The following TTC7B variants were observed in gnomAD, a reference collection of about 807,000 sequenced individuals.
TTC7B encodes the protein tetratricopeptide repeat protein 7B.
A neutral mutation model predicts 106.8 loss-of-function variants in TTC7B; 28 were observed. The ratio of observed to expected loss-of-function variants is 0.26; its 90% confidence interval spans 0.19 to 0.36. The LOEUF is 0.36. Among genes scored for constraint, TTC7B ranks in the 10% least tolerant of loss-of-function variants. TTC7B has a pLI of 1.00. For missense variants in TTC7B, 862 were observed against 1,076.4 expected, an observed-to-expected ratio of 0.80 and a Z score of 2.79; for synonymous variants, 405 against 430.6, an observed-to-expected ratio of 0.94 and a Z score of 0.74.
chr14:90,786,349 C>G lies in TTC7B; in HGVS notation c.122-21G>C. The G allele has an allele frequency of 2.5e-6, 4 of 1,612,094 alleles. No homozygotes were observed. In the South Asian group the frequency reaches 3.3e-5, roughly 13 times the overall value. On this transcript the variant is annotated intron_variant, in intron 1 of 19. Transcript: ENST00000328459. Reference sequence around the variant, plus strand: ...GTCATCTACAAAAACAAAGTGAGAACAAAGTGGGAGCAAGGAATGGCCTGC... The same window carrying G: ...GTCATCTACAAAAACAAAGTGAGAAGAAAGTGGGAGCAAGGAATGGCCTGC...
chr14:90,661,424 G>A (rs1363387191), intron 9 of TTC7B, among the ~76,000 whole-genome samples: 1 of 152,194 alleles, frequency 6.6e-6, no homozygotes, highest in African/African-American at 2.4e-5. Context: ...GGTGGCGGGA[G>A]AGACGTAACC....
chr14:90,632,153 A>T (rs1054386401), intron 15 of TTC7B, among the ~76,000 whole-genome samples: 1 of 152,168 alleles, frequency 6.6e-6, no homozygotes, highest in Non-Finnish European at 1.5e-5. Flanking sequence ...CCTTCCAGAC[A>T]TCCTTCAGGT....
chr14:90,755,566 G>T (rs540427749), intron 3 of TTC7B, among the ~76,000 whole-genome samples: 5 of 152,234 alleles, frequency 3.3e-5, no homozygotes, highest in Admixed American at 2.0e-4. Context: ...GGCTGAGATG[G>T]GAGGATCACT....
At position 90,531,860 on chromosome 14, in the gene TTC7B, C is replaced by A. The variant is rs895808805; in HGVS notation, c.*9508G>T. 1.3e-5 allele frequency: 2 copies of A among 152,196 alleles called. No homozygotes were observed. The highest frequency in any genetic ancestry group is 2.4e-5 in the African/African-American group (1 of 41,450). The allele number at this position is 152,196 out of a possible 1,614,324, so 9.4% of individuals were successfully genotyped here. A position where few individuals can be genotyped will look rare whatever the true frequency, so the allele number is the denominator to read the frequency against. On this transcript the variant is annotated 3_prime_UTR_variant, in exon 20 of 20. Transcript: ENST00000328459. ...GTCTCATTGTGTCTGAGCTCTGCCC[C>A]TTTCTTATTTAATTTTGTAGTTTTA...
intron 16 of TTC7B, among the ~76,000 whole-genome samples, chr14:90,617,192 C>G (rs940053374): frequency 6.6e-6 from 1 of 152,136 alleles, no homozygotes; most frequent in Non-Finnish European, 1.5e-5. Flanking sequence ...AATTAACCCG[C>G]GGAAAACTGA....
chr14:90,550,279 G>A (rs2038989715), intron 19 of TTC7B, among the ~76,000 whole-genome samples: 1 of 152,142 alleles, frequency 6.6e-6, no homozygotes, highest in South Asian at 2.1e-4. Context: ...GTGTCTTCCT[G>A]CCCCTGCCTC....
chr14:90,639,403 G>C (rs1885073405), intron 15 of TTC7B, among the ~76,000 whole-genome samples: 3 of 152,120 alleles, frequency 2.0e-5, no homozygotes, highest in Admixed American at 2.0e-4. Context: ...CTTCACAAAA[G>C]AGAAAAGGTG....
intron 19 of TTC7B, chr14:90,569,695 C>G (rs1395283903): frequency 6.6e-6 from 1 of 152,306 alleles, no homozygotes; most frequent in African/African-American, 2.4e-5. Context: ...GCCTTGGAGT[C>G]CTGTGAAGCC....
rs767013408 is a variant in TTC7B, at chr14:90,757,771, C to T, written c.446-12849G>A. 6.6e-6 allele frequency among the ~76,000 whole-genome samples: 1 copy of T among 152,192 alleles called. No individual in the cohort carries two copies. Among genetic ancestry groups the T allele is most frequent in the Non-Finnish European group, 1.5e-5 (1 of 68,042 alleles). On this transcript the variant is annotated intron_variant, in intron 3 of 19. Coordinates refer to ENST00000328459, the MANE Select transcript of TTC7B (RefSeq NM_001010854.2). The surrounding 1 kb of genome is among the most constrained non-coding windows in gnomAD (Gnocchi z 4.1). ...ATTCATAAAGACTGGGATTAGATCTCACTTGAAGACATGAATCTCTCAAGG... is the reference window on the plus strand; with the variant it reads ...ATTCATAAAGACTGGGATTAGATCTTACTTGAAGACATGAATCTCTCAAGG...
intron 18 of TTC7B, among the ~76,000 whole-genome samples, chr14:90,579,811 C>T (rs954151167): frequency 6.6e-6 from 1 of 152,142 alleles, no homozygotes; most frequent in Non-Finnish European, 1.5e-5. Flanking sequence ...AAACAAAAAA[C>T]ACCAAACAAC....
chr14:90,661,944 C>T (rs1005755515), intron 9 of TTC7B, among the ~76,000 whole-genome samples: 36 of 152,274 alleles, frequency 2.4e-4, no homozygotes, highest in African/African-American at 8.2e-4. Context: ...GCACATTCAC[C>T]GGAGGTCTAA....
chr14:90,589,820 T>C (rs1008558916), intron 18 of TTC7B, among the ~76,000 whole-genome samples: 2 of 152,244 alleles, frequency 1.3e-5, no homozygotes, highest in African/African-American at 2.4e-5. Context: ...AGAGTCAACA[T>C]GGCACAAATT....
At chr14:90,573,480 C>A (rs182975988) in intron 19 of TTC7B, among the ~76,000 whole-genome samples, 27 of 130,504 alleles carry the variant, frequency 2.1e-4, no homozygotes, top group Non-Finnish European at 2.8e-4. Flanking sequence ...CAGGCCCTCT[C>A]CGCCTCACGG....
At chr14:90,558,130 C>T (rs1890403678) in intron 19 of TTC7B, among the ~76,000 whole-genome samples, 1 of 152,264 alleles carries the variant, frequency 6.6e-6, no homozygotes, top group Admixed American at 6.5e-5. Flanking sequence ...CCGTCCAGCC[C>T]AGGGTCCACT....
chr14:90,808,975 G>A lies in TTC7B; in HGVS notation c.121+7200C>T, dbSNP rs184112295. Among the ~76,000 whole-genome samples, 5 of 152,340 alleles carry A rather than the reference G, an allele frequency of 3.3e-5. No homozygotes were observed. Among genetic ancestry groups the A allele is most frequent in the South Asian group, 2.1e-4 (1 of 4,828 alleles). ...CTTCAGCAGCCAGTAACGACCAAAC[G>A]CCTGACTCAGTGTGGCTTCAACAAG... On this transcript the variant is annotated intron_variant, in intron 1 of 19. Transcript: ENST00000328459. The surrounding 1 kb of genome is among the most constrained non-coding windows in gnomAD (Gnocchi z 4.2).
chr14:90,775,373 G>T (rs1332728509), intron 3 of TTC7B, among the ~76,000 whole-genome samples: 1 of 152,186 alleles, frequency 6.6e-6, no homozygotes, highest in Non-Finnish European at 1.5e-5. Flanking sequence ...ATTTACAGAT[G>T]AGAAAACAGA....
In TTC7B at chr14:90,689,701, C is replaced by T. The variant is rs756968967; in HGVS notation, c.789G>A (p.Arg263=). The T allele has an allele frequency of 4.6e-5, 74 of 1,613,888 alleles. No individual in the cohort carries two copies. In the South Asian group the frequency reaches 5.7e-4, roughly 12 times the overall value. Residue 263 remains arginine, a synonymous_variant, in exon 7 of 20, where the codon AGG becomes AGA. Transcript: ENST00000328459. Reference sequence around the variant, plus strand: ...CCCGCAACAAGATCTCTGCCAGCTGCCTGGCTATTGTCTGGGAACATAAAC... The same window carrying T: ...CCCGCAACAAGATCTCTGCCAGCTGTCTGGCTATTGTCTGGGAACATAAAC... ...TTQNLRMTIA[R]QLAEILLRGM...
Position 90,794,439 on chromosome 14 carries a change from G to A in TTC7B, c.122-8111C>T, listed in dbSNP as rs144486693. ...GATGGCGTTTCACCATGTTGGCCAG[G>A]ATGGTCTCAATCTCTTCACCTCGTG... On this transcript the variant is annotated intron_variant, in intron 1 of 19. Transcript: ENST00000328459. 7.0e-3 allele frequency among the ~76,000 whole-genome samples: 1,063 copies of A among 151,488 alleles called. 10 individuals carry two copies. The highest frequency in any genetic ancestry group is 0.025 in the African/African-American group (1,023 of 41,260).
chr14:90,795,248 G>A (rs1891735016), intron 1 of TTC7B, among the ~76,000 whole-genome samples: 1 of 152,060 alleles, frequency 6.6e-6, no homozygotes, highest in East Asian at 1.9e-4. Flanking sequence ...ATGTTTTCAA[G>A]ACATTGGGCA....
Sources: allele counts gnomAD v4.1 joint callset (sites outside exome capture counted in the v4.1 genomes callset), GRCh38; gene constraint gnomAD v4.1.1; non-coding constraint Gnocchi (gnomAD v3.1); transcripts MANE v1.5; gene names NCBI Gene and HGNC (gene_info 2026-07-23, HGNC 2026-07-21).